The following PCBP3 variants were observed in gnomAD, a reference collection of about 807,000 sequenced individuals.
The protein encoded by PCBP3 is poly(rC)-binding protein 3.
PCBP3 carries 25 observed loss-of-function variants against 52.7 expected under a neutral mutation model. The observed-to-expected ratio is 0.47, with a 90% CI of 0.35 to 0.66. The LOEUF is 0.66. PCBP3 is among the 30% of genes least tolerant of loss of function. The probability of loss-of-function intolerance (pLI) is 0.01; values close to 1 mark genes in which losing one functional copy is unlikely to be tolerated. For synonymous variants in PCBP3, 162 were observed against 183.0 expected, an observed-to-expected ratio of 0.89 and a Z score of 0.93; for missense variants, 391 against 490.3, an observed-to-expected ratio of 0.80 and a Z score of 1.91.
chr21:45,910,811 C>A, intron 10 of PCBP3, 91 bp from the exon 11 acceptor site: 1 of 1,323,690 alleles, frequency 7.6e-7, no homozygotes, highest in East Asian at 2.4e-5. Flanking sequence ...GGAAGTGTCC[C>A]CCGAGCTGCC....
chr21:45,668,501 G>T (rs2147226800), intron 1 of PCBP3, among the ~76,000 whole-genome samples: 1 of 151,846 alleles, frequency 6.6e-6, no homozygotes, highest in South Asian at 2.1e-4. Context: ...TTCTGTTGCT[G>T]CCAGGCTGTT....
At chr21:45,681,292 A>G (rs527847159) in intron 2 of PCBP3, among the ~76,000 whole-genome samples, 2 of 152,354 alleles carry the variant, frequency 1.3e-5, no homozygotes, top group East Asian at 3.9e-4. Flanking sequence ...CAAATGCTTC[A>G]CTACATTGAG....
At chr21:45,908,719 G>A (rs2096267397) in intron 9 of PCBP3, among the ~76,000 whole-genome samples, 1 of 152,190 alleles carries the variant, frequency 6.6e-6, no homozygotes, top group Non-Finnish European at 1.5e-5. Flanking sequence ...CCATGCGGCT[G>A]ACAGAAGCCC....
At position 45,735,490 on chromosome 21, in the gene PCBP3, G is replaced by A. The variant is rs7364053; in HGVS notation, c.-162+61G>A. ...TATTTTTAGACTAAACGACTCTTTCGGTGTCAGCAGAGTTGAAAGTCTTGC... is the reference window on the plus strand; with the variant it reads ...TATTTTTAGACTAAACGACTCTTTCAGTGTCAGCAGAGTTGAAAGTCTTGC... On this transcript the variant is annotated intron_variant, in intron 3 of 17. Coordinates refer to ENST00000681687, the MANE Select transcript of PCBP3 (RefSeq NM_001384156.1). The surrounding 1 kb of genome is among the most constrained non-coding windows in gnomAD (Gnocchi z 4.0). 1.6e-4 allele frequency: 25 copies of A among 152,042 alleles called. No individual in the cohort carries two copies. The highest frequency in any genetic ancestry group is 1.0e-4 in the Non-Finnish European group (7 of 68,012). 9.4% of individuals were successfully genotyped at this position (152,042 alleles called of 1,614,324 possible). A position where few individuals can be genotyped will look rare whatever the true frequency, so the allele number is the denominator to read the frequency against.
rs1327235873 is a variant in PCBP3, at chr21:45,917,783, G to A, written c.717+154G>A. 1.3e-5 allele frequency: 9 copies of A among 719,330 alleles called. No homozygotes were observed. Among genetic ancestry groups the A allele is most frequent in the Admixed American group, 9.9e-5 (5 of 50,290 alleles). 44.6% of individuals were successfully genotyped at this position (719,330 alleles called of 1,614,324 possible). On this transcript the variant is annotated intron_variant, in intron 13 of 17. Transcript: ENST00000681687. The surrounding 1 kb of genome is among the most constrained non-coding windows in gnomAD (Gnocchi z 5.3). ...ACCTGTGTCGTATCCATATGACCTC[G>A]AATAACCTTTTAACCTCTTAGCACT...
At chr21:45,916,517 T>C (rs1017181284) in intron 12 of PCBP3, 1 of 152,274 alleles carries the variant, frequency 6.6e-6, no homozygotes, top group Non-Finnish European at 1.5e-5. Context: ...TTGGGTTGTT[T>C]ATGATGAAAA....
At chr21:45,884,493 A>G (rs1265428049) in intron 5 of PCBP3, among the ~76,000 whole-genome samples, 1 of 152,236 alleles carries the variant, frequency 6.6e-6, no homozygotes, top group Non-Finnish European at 1.5e-5. Flanking sequence ...ACATGTATAC[A>G]TACACATATA....
chr21:45,683,560 C>G (rs1256069256), intron 2 of PCBP3, among the ~76,000 whole-genome samples: 1 of 152,106 alleles, frequency 6.6e-6, no homozygotes, highest in Non-Finnish European at 1.5e-5. Flanking sequence ...GGCAGATTCT[C>G]TACAAAGTCA....
chr21:45,895,093 G>A (rs1316997315), intron 5 of PCBP3, among the ~76,000 whole-genome samples: 1 of 152,206 alleles, frequency 6.6e-6, no homozygotes, highest in Non-Finnish European at 1.5e-5. Context: ...CCTGGCTGTG[G>A]CTCCCGTCCA....
chr21:45,940,007 A>C (rs371119432), intron 16 of PCBP3, 23 bp from the exon 17 acceptor site: 148 of 1,607,368 alleles, frequency 9.2e-5, no homozygotes, highest in Non-Finnish European at 1.2e-4. Flanking sequence ...TTCTCTAAGA[A>C]ATCCCCCCGT....
intron 2 of PCBP3, among the ~76,000 whole-genome samples, chr21:45,712,650 AATTATGATGATG>A (rs1022036492): frequency 3.3e-5 from 5 of 151,882 alleles, no homozygotes; most frequent in African/African-American, 1.2e-4. Flanking sequence ...ATTATATACT[AATTATGATGATG>A]ATTATTATAC....
intron 4 of PCBP3, among the ~76,000 whole-genome samples, chr21:45,764,383 A>G (rs2089075170): frequency 6.6e-6 from 1 of 152,176 alleles, no homozygotes. Context: ...CCGCCTCCCA[A>G]AGTGCTGGGA....
intron 5 of PCBP3, among the ~76,000 whole-genome samples, chr21:45,855,302 C>T (rs539552688): frequency 2.6e-5 from 4 of 152,158 alleles, no homozygotes; most frequent in Non-Finnish European, 4.4e-5. Flanking sequence ...CCAGCACAGA[C>T]GCAGGCTCCG....
At chr21:45,911,555 G>A (rs1026037709) in intron 11 of PCBP3, among the ~76,000 whole-genome samples, 2 of 152,258 alleles carry the variant, frequency 1.3e-5, no homozygotes, top group Non-Finnish European at 2.9e-5. Flanking sequence ...GCATTAAAAC[G>A]GAAAAGCAGA....
At position 45,900,440 on chromosome 21, in the gene PCBP3, C is replaced by T. The variant is rs534796798; in HGVS notation, c.190-151C>T. 471 of 652,374 alleles carry T rather than the reference C, an allele frequency of 7.2e-4. 11 individuals carry two copies. In the South Asian group the frequency reaches 8.2e-3, roughly 11 times the overall value. 40.4% of individuals were successfully genotyped at this position (652,374 alleles called of 1,614,324 possible). ...TGTGGTGGGCATGGAGCCTGGCCTT[C>T]TTAGTGGAGAGGCTGGTTTGCTCCT... On this transcript the variant is annotated intron_variant, in intron 7 of 17. Transcript: ENST00000681687.
chr21:45,790,624 A>G (rs1278117577), intron 4 of PCBP3, among the ~76,000 whole-genome samples: 1 of 152,078 alleles, frequency 6.6e-6, no homozygotes, highest in Admixed American at 6.5e-5. Flanking sequence ...GCAGTGGAGG[A>G]ACAAGCAGAG....
intron 2 of PCBP3, among the ~76,000 whole-genome samples, chr21:45,691,243 A>C (rs566029988): frequency 6.6e-6 from 1 of 151,956 alleles, no homozygotes; most frequent in African/African-American, 2.4e-5. Flanking sequence ...TAACAAAAGA[A>C]GTCAGTACAT....
chr21:45,797,895 A>T (rs2146610676), intron 4 of PCBP3, among the ~76,000 whole-genome samples: 1 of 151,950 alleles, frequency 6.6e-6, no homozygotes, highest in South Asian at 2.1e-4. Flanking sequence ...GCATGGATGG[A>T]TGAGTGCATG....
At chr21:45,845,812 C>G (rs909932416) in intron 4 of PCBP3, among the ~76,000 whole-genome samples, 3 of 152,250 alleles carry the variant, frequency 2.0e-5, no homozygotes, top group Admixed American at 2.0e-4. Context: ...ATGTGACACC[C>G]TTGGGGTCCT....
Sources: allele counts gnomAD v4.1 joint callset (sites outside exome capture counted in the v4.1 genomes callset), GRCh38; gene constraint gnomAD v4.1.1; non-coding constraint Gnocchi (gnomAD v3.1); transcripts MANE v1.5; gene names NCBI Gene and HGNC (gene_info 2026-07-23, HGNC 2026-07-21).